The following GCC2 variants were observed in gnomAD, a reference collection of about 807,000 sequenced individuals.
GCC2 encodes GRIP and coiled-coil domain containing 2.
A neutral mutation model predicts 210.6 loss-of-function variants in GCC2; 120 were observed. That is an observed-to-expected ratio of 0.57 (90% CI 0.49 to 0.66). The LOEUF (loss-of-function observed/expected upper bound fraction) is 0.66. Ranked by LOEUF, GCC2 falls within the 30% of genes least tolerant of loss-of-function variation. GCC2 has a pLI of 0.00. For missense variants in GCC2, 1,868 were observed against 1,871.9 expected, an observed-to-expected ratio of 1.00 and a Z score of 0.04; for synonymous variants, 703 against 652.7, an observed-to-expected ratio of 1.08 and a Z score of -1.17.
intron 16 of GCC2, among the ~76,000 whole-genome samples, chr2:108,487,197 A>C (rs932041296): frequency 1.3e-5 from 2 of 152,224 alleles, no homozygotes; most frequent in Non-Finnish European, 2.9e-5. Flanking sequence ...ATTTTTCTCA[A>C]ATTTATAAAA....
At chr2:108,483,219 T>G (rs1681963674) in intron 12 of GCC2, 53 bp downstream of exon 12, 1 of 931,680 alleles carries the variant, frequency 1.1e-6, no homozygotes, top group Non-Finnish European at 1.7e-6. Flanking sequence ...TTGTTCTGTT[T>G]TGTTGTTCTG....
chr2:108,469,296 A>G (rs1256689499), intron 5 of GCC2: 1 of 439,114 alleles, frequency 2.3e-6, no homozygotes, highest in Non-Finnish European at 4.0e-6. Flanking sequence ...TATCTTTTTT[A>G]TAGCTATAAT....
intron 17 of GCC2, among the ~76,000 whole-genome samples, chr2:108,489,472 G>A (rs1004025631): frequency 5.9e-5 from 9 of 151,376 alleles, no homozygotes; most frequent in East Asian, 5.8e-4. Flanking sequence ...CCAAGATTGC[G>A]CCACTGCACT....
Position 108,482,332 on chromosome 2 carries a change from G to A in GCC2, c.3226G>A (p.Glu1076Lys). 1.3e-6 allele frequency: 2 copies of A among 1,588,390 alleles called. No individual in the cohort carries two copies. The highest frequency in any genetic ancestry group is 1.7e-6 in the Non-Finnish European group (2 of 1,158,894). The change falls in exon 11 of 23, where the codon GAG (glutamate) becomes AAG (lysine). Residue 1076 changes from glutamate (E) to lysine (K), a missense_variant. Around this residue, in one of 3 missense-constraint regions of GCC2, gnomAD observed 1,847 missense variants for 1,765.2 expected, o/e 1.05. Transcript: ENST00000309863. Reference sequence around the variant, plus strand: ...TAATGAAGATCTCCTGGCTCGTATTGAGACATTACAGTCTAATGCCAAATT... The same window carrying A: ...TAATGAAGATCTCCTGGCTCGTATTAAGACATTACAGTCTAATGCCAAATT... ...SDNEDLLARIETLQSNAKLLE... is the reference protein window; with the variant it reads ...SDNEDLLARIKTLQSNAKLLE...
chr2:108,507,666 ATC>A lies in GCC2; in HGVS notation c.*38_*39del, dbSNP rs1163525932. 7.2e-7 allele frequency: 1 copy of A among 1,397,430 alleles called. No homozygotes were observed. The highest frequency in any genetic ancestry group is 1.0e-6 in the Non-Finnish European group (1 of 1,000,130). 86.6% of individuals were successfully genotyped at this position (1,397,430 alleles called of 1,614,324 possible). A position where few individuals can be genotyped will look rare whatever the true frequency, so the allele number is the denominator to read the frequency against. ...GGAATATTTTTATTAACCAAATAGA[ATC>A]TATTTACAAAAATGGTTCACGTATA... On this transcript the variant is annotated 3_prime_UTR_variant, in exon 23 of 23. Transcript: ENST00000309863.
intron 22 of GCC2, among the ~76,000 whole-genome samples, chr2:108,504,037 G>T (rs1683061723): frequency 6.6e-6 from 1 of 152,106 alleles, no homozygotes; most frequent in Admixed American, 6.6e-5. Context: ...GTTATAAGGA[G>T]TTCGAGGCTG....
At chr2:108,476,060 T>C (rs1279112730) in intron 9 of GCC2, among the ~76,000 whole-genome samples, 1 of 92,438 alleles carries the variant, frequency 1.1e-5, no homozygotes, top group African/African-American at 5.1e-5. Flanking sequence ...CTTGCTTTTT[T>C]TTTTTTTTTT....
Position 108,471,332 on chromosome 2 carries a change from A to C in GCC2, c.2003A>C (p.Lys668Thr). Residue 668 changes from lysine to threonine, a missense_variant, in exon 6 of 23, where the codon AAA (lysine) becomes ACA (threonine). Coordinates refer to ENST00000309863, the MANE Select transcript of GCC2 (RefSeq NM_181453.4). ...EKDQNDQKLEKLMVQMKVLSE... is the reference protein window; with the variant it reads ...EKDQNDQKLETLMVQMKVLSE... ...GATCAAAATGACCAAAAACTAGAAA[A>C]ACTTATGGTTCAAATGAAAGTTCTC... 6.2e-7 allele frequency: 1 copy of C among 1,612,262 alleles called. No homozygotes were observed. The highest frequency in any genetic ancestry group is 1.7e-5 in the Admixed American group (1 of 59,772).
chr2:108,498,260 A>G (rs183590667), intron 21 of GCC2, among the ~76,000 whole-genome samples: 3,544 of 124,964 alleles, frequency 0.028, 78 homozygotes, highest in Non-Finnish European at 0.039. Context: ...CAGTGGTGCA[A>G]TCTCAGCTCA....
At chr2:108,490,805 G>C (rs1341637244) in intron 18 of GCC2, among the ~76,000 whole-genome samples, 5 of 152,146 alleles carry the variant, frequency 3.3e-5, no homozygotes. Context: ...ATGTTTGCTT[G>C]ATATTCTCCA....
intron 9 of GCC2, among the ~76,000 whole-genome samples, chr2:108,479,859 G>A (rs927597965): frequency 1.3e-5 from 2 of 151,652 alleles, no homozygotes; most frequent in Non-Finnish European, 2.9e-5. Context: ...GCACATGCCT[G>A]TAATCCCAAC....
Position 108,469,880 on chromosome 2 carries a change from A to T in GCC2, c.551A>T (p.Gln184Leu). Residue 184 changes from glutamine (Q) to leucine (L), a missense_variant, in exon 6 of 23, where the codon CAA becomes CTA. Gln to Leu is a moderately radical substitution (Grantham distance 113). Transcript: ENST00000309863. ...NNSEDNVKKL[Q>L]EEIEKIRPGF... ...TCTGAAGATAATGTTAAAAAACTAC[A>T]AGAAGAGATTGAGAAAATTAGGCCA... 2.5e-6 allele frequency: 4 copies of T among 1,613,184 alleles called. No individual in the cohort carries two copies. The highest frequency in any genetic ancestry group is 2.5e-6 in the Non-Finnish European group (3 of 1,179,566).
At chr2:108,504,045 C>T (rs1305851475) in intron 22 of GCC2, among the ~76,000 whole-genome samples, 1 of 152,102 alleles carries the variant, frequency 6.6e-6, no homozygotes, top group Non-Finnish European at 1.5e-5. Flanking sequence ...GAGTTCGAGG[C>T]TGCAGTCAAA....
chr2:108,457,443 A>G (rs1254400957), intron 4 of GCC2, among the ~76,000 whole-genome samples: 2 of 151,676 alleles, frequency 1.3e-5, no homozygotes, highest in African/African-American at 4.8e-5. Flanking sequence ...TTTATTTTTT[A>G]ACTCAGAATT....
chr2:108,505,719 C>T (rs1292598124), intron 22 of GCC2, among the ~76,000 whole-genome samples: 5 of 151,702 alleles, frequency 3.3e-5, no homozygotes, highest in African/African-American at 1.2e-4. Flanking sequence ...CCCAGCCATG[C>T]CAACATCTTG....
Position 108,493,774 on chromosome 2 carries a change from A to T in GCC2, c.4447+984A>T, listed in dbSNP as rs558816459. The T allele has an allele frequency of 4.8e-5, 47 of 985,420 alleles. No individual in the cohort carries two copies. In the African/African-American group the frequency reaches 7.5e-4, roughly 16 times the overall value. The allele number at this position is 985,420 out of a possible 1,614,324, so 61.0% of individuals were successfully genotyped here. ...AAGCAACTTCAGAAGAATTTAACAT[A>T]TGCCAAAGAATCAACAAAGGAAGTA... On this transcript the variant is annotated intron_variant, in intron 19 of 22. Coordinates refer to ENST00000309863, the MANE Select transcript of GCC2 (RefSeq NM_181453.4).
At chr2:108,479,501 T>C (rs1681725154) in intron 9 of GCC2, among the ~76,000 whole-genome samples, 2 of 151,964 alleles carry the variant, frequency 1.3e-5, no homozygotes, top group South Asian at 4.2e-4. Flanking sequence ...ATTAGTTGGC[T>C]GTAGTGGCAC....
rs1681203016 is a variant in GCC2 at position 108,471,293 on chromosome 2, CTT to C, written c.1966_1967del (p.Leu656LysfsTer7). 1.2e-6 allele frequency: 2 copies of C among 1,611,646 alleles called. No individual in the cohort carries two copies. Among genetic ancestry groups the C allele is most frequent in the African/African-American group, 1.3e-5 (1 of 74,882 alleles). On this transcript the variant is annotated frameshift_variant, in exon 6 of 23. Transcript: ENST00000309863. LOFTEE classifies it high-confidence loss of function. ...GAATTAACAGGAGGACTAGAGGAGA[CTT>C]TAAAAGAAAAGGATCAAAATGACCA...
chr2:108,478,825 A>G (rs184975488), intron 9 of GCC2, among the ~76,000 whole-genome samples: 162 of 152,318 alleles, frequency 1.1e-3, no homozygotes, highest in African/African-American at 3.9e-3. Context: ...AGCCTACCCA[A>G]ATACTAAACA....
Sources: gnomAD v4.1 joint callset for allele counts (sites outside exome capture counted in the v4.1 genomes callset) on GRCh38, gnomAD v4.1.1 for gene constraint, gnomAD v4.1.1 regional missense constraint, MANE v1.5 for transcripts, NCBI Gene and HGNC (gene_info 2026-07-23, HGNC 2026-07-21) for gene names.